The following CCDC180 variants were observed in gnomAD, a reference collection of about 807,000 sequenced individuals.
The protein encoded by CCDC180 is coiled-coil domain containing 180.
A neutral mutation model predicts 209.2 loss-of-function variants in CCDC180; 154 were observed. The observed-to-expected ratio is 0.74, with a 90% confidence interval of 0.65 to 0.84. The LOEUF is 0.84. Ranked by LOEUF, CCDC180 falls within the 40% of genes least tolerant of loss-of-function variation. The probability of loss-of-function intolerance (pLI) is 0.00; values close to 1 mark genes in which losing one functional copy is unlikely to be tolerated. For synonymous variants in CCDC180, 778 were observed against 749.1 expected (o/e 1.04, Z -0.63); for missense variants, 1,874 against 1,997.3 (o/e 0.94, Z 1.18).
intron 18 of CCDC180, among the ~76,000 whole-genome samples, chr9:97,340,408 C>T (rs1052520872): frequency 3.9e-5 from 6 of 151,928 alleles, no homozygotes; most frequent in African/African-American, 1.5e-4. Flanking sequence ...GGCAAGAGAC[C>T]GAGGACACGA....
rs753891291 is a variant in CCDC180 at position 97,330,582 on chromosome 9, C to G, written c.2089C>G (p.Gln697Glu). 14 of 1,613,792 alleles carry G rather than the reference C, an allele frequency of 8.7e-6. No homozygotes were observed. The highest frequency in any genetic ancestry group is 1.3e-5 in the African/African-American group (1 of 74,794). ...EGSIQGLEEM[Q>E]VEREGSLNPS... ...CTCTATTCAGGGACTGGAAGAAATG[C>G]AGGTTGAAAGAGAGGGCTCCTTAAA... The change falls in exon 18 of 37, where the codon CAG becomes GAG. Residue 697 changes from glutamine (Q) to glutamate (E), a missense_variant. By Grantham distance (29) the Gln-to-Glu change is conservative. Transcript: ENST00000529487.
intron 36 of CCDC180, chr9:97,375,944 A>G (rs559987991): frequency 1.0e-4 from 27 of 262,790 alleles, no homozygotes; most frequent in African/African-American, 5.6e-4. Flanking sequence ...ACACAGCAGC[A>G]GGAGCAGTCA....
At chr9:97,313,205 C>G in intron 4 of CCDC180, 31 bp from the exon 5 acceptor site, 2 of 1,458,288 alleles carry the variant, frequency 1.4e-6, no homozygotes, top group African/African-American at 1.4e-5. Flanking sequence ...GCTCTGAAGG[C>G]AGCCTCATCA....
chr9:97,341,911 G>A lies in CCDC180; in HGVS notation c.2275-1429G>A, dbSNP rs562630276. ...TGGTGGATGCCCCTCCCCCAGCCAGGCTTGCCGCCTCACAGTTCGATCTCA... is the reference window on the plus strand; with the variant it reads ...TGGTGGATGCCCCTCCCCCAGCCAGACTTGCCGCCTCACAGTTCGATCTCA... On this transcript the variant is annotated intron_variant, in intron 18 of 36. Coordinates refer to ENST00000529487, the MANE Select transcript of CCDC180 (RefSeq NM_020893.6). 2.4e-4 allele frequency among the ~76,000 whole-genome samples: 37 copies of A among 152,310 alleles called. 1 individual carries two copies. In the South Asian group the frequency reaches 6.8e-3, roughly 28 times the overall value.
intron 10 of CCDC180, among the ~76,000 whole-genome samples, chr9:97,319,787 T>A (rs1268736803): frequency 6.6e-6 from 1 of 152,238 alleles, no homozygotes; most frequent in Non-Finnish European, 1.5e-5. Flanking sequence ...TAAGTGAACA[T>A]CTTAATACAT....
In CCDC180 at chr9:97,369,418, T is replaced by TG. The variant is rs768474801; in HGVS notation, c.4190-504_4190-503insG. 609 of 93,856 alleles carry TG rather than the reference T, an allele frequency of 6.5e-3. 3 individuals are homozygous for TG. The highest frequency in any genetic ancestry group is 0.046 in the East Asian group (109 of 2,392). The allele number at this position is 93,856 out of a possible 1,614,324, so 5.8% of individuals were successfully genotyped here. On this transcript the variant is annotated intron_variant, in intron 31 of 36. Coordinates refer to ENST00000529487, the MANE Select transcript of CCDC180 (RefSeq NM_020893.6). ...CCCTTTGAATTTATTTAAGCCTTTA[T>TG]TTTATGTTATGTTATGTTATGTTAT... is the stretch of plus-strand genomic sequence containing the variant.
intron 18 of CCDC180, among the ~76,000 whole-genome samples, chr9:97,332,145 A>G (rs1164333763): frequency 6.6e-6 from 1 of 152,196 alleles, no homozygotes; most frequent in Non-Finnish European, 1.5e-5. Flanking sequence ...TTAAATGGGT[A>G]GTCATTTCCT....
At chr9:97,345,968 G>T (rs369304981) in intron 19 of CCDC180, among the ~76,000 whole-genome samples, 1 of 152,094 alleles carries the variant, frequency 6.6e-6, no homozygotes, top group South Asian at 2.1e-4. Context: ...GATGTTCTCC[G>T]AAGTTATATA....
intron 18 of CCDC180, among the ~76,000 whole-genome samples, chr9:97,337,684 T>A (rs1825949616): frequency 6.6e-6 from 1 of 152,158 alleles, no homozygotes; most frequent in Non-Finnish European, 1.5e-5. Context: ...TCATAAAATG[T>A]GTTAGGGAGG....
chr9:97,349,304 G>A lies in CCDC180; in HGVS notation c.2855+13G>A. 1 of 1,533,554 alleles carries A rather than the reference G, an allele frequency of 6.5e-7. No homozygotes were observed. 95.0% of individuals were successfully genotyped at this position (1,533,554 alleles called of 1,614,324 possible). Reference sequence around the variant, plus strand: ...CCAGGAGCCAAAAGTAAGGGGTCCTGGGAGTCTCCACCCCAGCCATGTGGC... The same window carrying A: ...CCAGGAGCCAAAAGTAAGGGGTCCTAGGAGTCTCCACCCCAGCCATGTGGC... On this transcript the variant is annotated intron_variant, in intron 21 of 36. Coordinates refer to ENST00000529487, the MANE Select transcript of CCDC180 (RefSeq NM_020893.6).
At position 97,314,665 on chromosome 9, in the gene CCDC180, G is replaced by T. The variant is rs780526633; in HGVS notation, c.636G>T (p.Arg212=). Residue 212 remains arginine, a synonymous_variant, in exon 7 of 37, where the codon CGG becomes CGT. Coordinates refer to ENST00000529487, the MANE Select transcript of CCDC180 (RefSeq NM_020893.6). ...AGGTGGCCGGGCGGTTACTGCTCCG[G>T]AAGCAGGAGATTAAGGAGCTGGATG... The part of the protein sequence containing the change: ...WDKVAGRLLL[R]KQEIKELDEA... 6.2e-7 allele frequency: 1 copy of T among 1,614,090 alleles called. No homozygotes were observed. Among genetic ancestry groups the T allele is most frequent in the South Asian group, 1.1e-5 (1 of 91,086 alleles).
At chr9:97,330,280 G>C (rs768040556) in intron 17 of CCDC180, 42 bp from the exon 18 acceptor site, 5 of 1,612,072 alleles carry the variant, frequency 3.1e-6, no homozygotes, top group Middle Eastern at 1.7e-4. Flanking sequence ...GGCAGCATCA[G>C]TAAATTGTCT....
chr9:97,345,591 T>C (rs1447281585), intron 19 of CCDC180: 1 of 426,308 alleles, frequency 2.3e-6, no homozygotes, highest in African/African-American at 2.1e-5. Flanking sequence ...TGGGAATTAA[T>C]TATATATTCT....
Position 97,370,090 on chromosome 9 carries a change from C to T in CCDC180, c.4350+8C>T, listed in dbSNP as rs747799458. Reference sequence around the variant, plus strand: ...CGGCTGGAGAAAAGAAAGGTGAGGGCCCCAGGACCAGCCCTTCCACTCTAG... The same window carrying T: ...CGGCTGGAGAAAAGAAAGGTGAGGGTCCCAGGACCAGCCCTTCCACTCTAG... On this transcript the variant is annotated splice_region_variant and intron_variant, in intron 32 of 36. Transcript: ENST00000529487. 20 of 1,612,490 alleles carry T rather than the reference C, an allele frequency of 1.2e-5. No individual in the cohort carries two copies. Among genetic ancestry groups the T allele is most frequent in the Non-Finnish European group, 1.7e-5 (20 of 1,179,422 alleles).
At chr9:97,348,809 A>G (rs551534035) in intron 20 of CCDC180, among the ~76,000 whole-genome samples, 131 of 152,116 alleles carry the variant, frequency 8.6e-4, no homozygotes, top group Non-Finnish European at 1.5e-3. Flanking sequence ...AGCCCTCCCC[A>G]ACACCCCCTG....
At chr9:97,345,650 C>T (rs1463280144) in intron 19 of CCDC180, 4 of 405,898 alleles carry the variant, frequency 9.9e-6, no homozygotes, top group African/African-American at 2.1e-5. Flanking sequence ...ACTCAAGAGG[C>T]TGAAGCAGGA....
In CCDC180 at chr9:97,361,814, C is replaced by T. The variant is rs772329471; in HGVS notation, c.3572C>T (p.Thr1191Ile). The change falls in exon 27 of 37, where the codon ACC (threonine) becomes ATC (isoleucine). Residue 1191 changes from threonine (T) to isoleucine (I), a missense_variant. Thr to Ile is a moderately conservative substitution (Grantham distance 89). Transcript: ENST00000529487. ...GAGGAGGCCAAGCTGGACGTGGTCA[C>T]CCCTGAGTCCTTCACCCAGCTGAGC... ...LEEEAKLDVVTPESFTQLSRV... is the reference protein window; with the variant it reads ...LEEEAKLDVVIPESFTQLSRV... The T allele has an allele frequency of 1.4e-5, 23 of 1,614,196 alleles. No homozygotes were observed. In the East Asian group the frequency reaches 4.7e-4, roughly 33 times the overall value.
intron 11 of CCDC180, 46 bp from the exon 12 acceptor site, chr9:97,322,787 C>G: frequency 3.2e-6 from 5 of 1,556,560 alleles, no homozygotes; most frequent in Non-Finnish European, 4.4e-6. Flanking sequence ...CCTTTCTAAT[C>G]TTCTCTTCCT....
At chr9:97,307,539 T>G (rs1832833815), upstream of CCDC180, 2 of 615,290 alleles carry the variant, frequency 3.3e-6, no homozygotes, top group Admixed American at 2.7e-5. Context: ...CTAATTAGCG[T>G]GACCTGAATC....
Sources: gnomAD v4.1 joint callset for allele counts (sites outside exome capture counted in the v4.1 genomes callset) on GRCh38, gnomAD v4.1.1 for gene constraint, MANE v1.5 for transcripts, NCBI Gene and HGNC (gene_info 2026-07-23, HGNC 2026-07-21) for gene names.